The following USP34 variants were observed in gnomAD, a reference collection of about 807,000 sequenced individuals.
The protein encoded by USP34 is ubiquitin carboxyl-terminal hydrolase 34.
In USP34, 70 loss-of-function variants were observed where a neutral mutation model predicts 460.3. The observed-to-expected ratio is 0.15, with a 90% confidence interval of 0.13 to 0.19. The LOEUF (loss-of-function observed/expected upper bound fraction) is 0.19, where lower values mean the gene tolerates loss of function less well. Ranked by LOEUF, USP34 falls within the 10% of genes least tolerant of loss-of-function variation. The pLI, the probability that USP34 is intolerant of heterozygous loss-of-function variation, is 1.00. For missense variants in USP34, 3,985 were observed against 4,236.2 expected, an observed-to-expected ratio of 0.94 and a Z score of 1.65; for synonymous variants, 1,647 against 1,405.3, an observed-to-expected ratio of 1.17 and a Z score of -3.85.
In USP34 at chr2:61,348,012, C is replaced by T. The variant is rs559471248; in HGVS notation, c.2143G>A (p.Ala715Thr). ...ISGEMNATHI[A>T]QGSQESCITR... ...ATACAAGACTCCTGAGACCCTTGTG[C>T]TATATGAGTAGCATTCATTTCCCCT... The change falls in exon 15 of 80, where the codon GCA (alanine) becomes ACA (threonine). Residue 715 changes from alanine to threonine, a missense_variant. Ala to Thr is a moderately conservative substitution (Grantham distance 58, BLOSUM62 0). Coordinates refer to ENST00000398571, the MANE Select transcript of USP34 (RefSeq NM_014709.4). The T allele has an allele frequency of 6.2e-7, 1 of 1,614,134 alleles. No homozygotes were observed. The highest frequency in any genetic ancestry group is 1.1e-5 in the South Asian group (1 of 91,078).
At chr2:61,350,433 A>G in intron 11 of USP34, 44 bp from the exon 12 acceptor site, 1 of 1,585,044 alleles carries the variant, frequency 6.3e-7, no homozygotes, top group East Asian at 2.2e-5. Flanking sequence ...ATTCCAGGCA[A>G]CACTAACAAA....
chr2:61,279,589 C>T (rs746687301), intron 39 of USP34, among the ~76,000 whole-genome samples: 14 of 152,154 alleles, frequency 9.2e-5, no homozygotes, highest in Non-Finnish European at 1.5e-4. Context: ...CTCAGCCCTC[C>T]TGAGTAGCTA....
chr2:61,244,174 G>T (rs1017708916), intron 51 of USP34, among the ~76,000 whole-genome samples: 2 of 152,122 alleles, frequency 1.3e-5, no homozygotes, highest in Non-Finnish European at 1.5e-5. Flanking sequence ...AACTTTATTT[G>T]GGCTAATCTA....
Position 61,314,967 on chromosome 2 carries a change from C to T in USP34, c.3290G>A (p.Gly1097Asp). 6.2e-7 allele frequency: 1 copy of T among 1,610,950 alleles called. No homozygotes were observed. The highest frequency in any genetic ancestry group is 8.5e-7 in the Non-Finnish European group (1 of 1,179,084). Residue 1097 changes from glycine (G) to aspartate (D), a missense_variant, in exon 24 of 80, where the codon GGT becomes GAT. Around this residue, in one of 14 missense-constraint regions of USP34, gnomAD observed 1,114 missense variants for 1,122.5 expected, o/e 0.99. Transcript: ENST00000398571. Reference protein sequence around the residue: ...YDGCSNSELCGMDQFWGIALR... With the variant: ...YDGCSNSELCDMDQFWGIALR... The stretch of plus-strand genomic sequence containing the variant: ...AGCAATGCCCCAAAATTGGTCCATA[C>T]CACACAGCTAAGAAAGAAAAATATG...
chr2:61,313,717 G>C (rs970579512), intron 25 of USP34, among the ~76,000 whole-genome samples: 7 of 152,004 alleles, frequency 4.6e-5, no homozygotes, highest in African/African-American at 9.7e-5. Context: ...TCTTTAAGCA[G>C]AATTTCCATG....
rs1016085733 is a variant in USP34, at chr2:61,214,815, A to C, written c.8048-121T>G. ...TTAAAATGAATAAAAAGGGACATGA[A>C]CATCTCTTTTAGTATCTTTCTGCTT... is the stretch of plus-strand genomic sequence containing the variant. On this transcript the variant is annotated intron_variant, in intron 67 of 79. Coordinates refer to ENST00000398571, the MANE Select transcript of USP34 (RefSeq NM_014709.4). The C allele has an allele frequency of 7.3e-5, 85 of 1,161,708 alleles. No individual in the cohort carries two copies. In the Middle Eastern group the frequency reaches 2.1e-3, roughly 28 times the overall value. The allele number at this position is 1,161,708 out of a possible 1,614,324, so 72.0% of individuals were successfully genotyped here.
At chr2:61,229,489 CAAAA>C (rs1687830787) in intron 59 of USP34, 55 bp downstream of exon 59, 12 of 409,660 alleles carry the variant, frequency 2.9e-5, no homozygotes, top group Non-Finnish European at 3.9e-5. Context: ...AAAAAAAAAA[CAAAA>C]ACACCACACA....
intron 27 of USP34, among the ~76,000 whole-genome samples, chr2:61,307,250 G>A (rs1456576341): frequency 6.7e-6 from 1 of 148,558 alleles, no homozygotes; most frequent in African/African-American, 2.5e-5. Flanking sequence ...TCACTCATAG[G>A]TGGGAATTGA....
chr2:61,301,350 G>A lies in USP34; in HGVS notation c.3918+4C>T, dbSNP rs763496553. On this transcript the variant is annotated splice_donor_region_variant and intron_variant, in intron 28 of 79. Coordinates refer to ENST00000398571, the MANE Select transcript of USP34 (RefSeq NM_014709.4). ...AAAACTCAAACCACGTTTTATATAT[G>A]TACCTGCATATCCTTAAAACCAAGC... 6.2e-7 allele frequency: 1 copy of A among 1,612,322 alleles called. No homozygotes were observed. Among genetic ancestry groups the A allele is most frequent in the South Asian group, 1.1e-5 (1 of 90,668 alleles).
chr2:61,377,022 C>A (rs534318129), intron 8 of USP34, among the ~76,000 whole-genome samples: 1 of 152,274 alleles, frequency 6.6e-6, no homozygotes, highest in African/African-American at 2.4e-5. Context: ...CTAATATAAT[C>A]CAGAATTTAT....
intron 1 of USP34, among the ~76,000 whole-genome samples, chr2:61,438,874 C>T (rs922207848): frequency 6.6e-6 from 1 of 152,064 alleles, no homozygotes; most frequent in Non-Finnish European, 1.5e-5. Context: ...TCAAACTGTC[C>T]CTGTGTTTGC....
chr2:61,437,372 A>G (rs1201103773), intron 1 of USP34, among the ~76,000 whole-genome samples: 15 of 152,198 alleles, frequency 9.9e-5, no homozygotes, highest in Admixed American at 9.8e-4. Flanking sequence ...CAGAAGTACA[A>G]AGGATCATTA....
intron 2 of USP34, among the ~76,000 whole-genome samples, chr2:61,408,116 A>G (rs1311955006): frequency 1.3e-5 from 2 of 152,144 alleles, no homozygotes; most frequent in African/African-American, 4.8e-5. Context: ...TTCTGTCACA[A>G]AAAAATAAAA....
intron 10 of USP34, among the ~76,000 whole-genome samples, chr2:61,365,323 GTGTGTATATA>G (rs1013726089): frequency 6.6e-6 from 1 of 151,820 alleles, no homozygotes; most frequent in East Asian, 1.9e-4. Context: ...GTGTGTGTGT[GTGTGTATATA>G]TGTATGTATG....
intron 43 of USP34, among the ~76,000 whole-genome samples, chr2:61,262,130 T>TATATGGATAGATAG (rs1349263790): frequency 8.8e-6 from 1 of 113,710 alleles, no homozygotes; most frequent in Admixed American, 1.0e-4. Flanking sequence ...TATATATATA[T>TATATGGATAGATAG]ATAGATAGAT....
At chr2:61,381,786 C>T (rs1250643260) in intron 6 of USP34, among the ~76,000 whole-genome samples, 3 of 152,284 alleles carry the variant, frequency 2.0e-5, no homozygotes, top group Admixed American at 2.0e-4. Flanking sequence ...CATCTTTACA[C>T]TCACAACTCT....
At chr2:61,418,748 T>G (rs916919002) in intron 2 of USP34, among the ~76,000 whole-genome samples, 7 of 152,246 alleles carry the variant, frequency 4.6e-5, no homozygotes, top group African/African-American at 1.7e-4. Flanking sequence ...CAAGGCACTG[T>G]GATCTAACTA....
chr2:61,210,046 C>T (rs748174128), intron 69 of USP34, among the ~76,000 whole-genome samples: 3 of 151,800 alleles, frequency 2.0e-5, no homozygotes, highest in Non-Finnish European at 4.4e-5. Flanking sequence ...TTAAGTGCTA[C>T]GATAGAAGAA....
At chr2:61,257,487 TTTCTG>T in intron 44 of USP34, 137 bp from the exon 45 acceptor site, 2 of 613,304 alleles carry the variant, frequency 3.3e-6, no homozygotes, top group Non-Finnish European at 4.9e-6. Context: ...CTTCTATTTC[TTTCTG>T]TTTAGTTTTC....
Sources: gnomAD v4.1 joint callset for allele counts (sites outside exome capture counted in the v4.1 genomes callset) on GRCh38, gnomAD v4.1.1 for gene constraint, gnomAD v4.1.1 regional missense constraint, MANE v1.5 for transcripts, NCBI Gene and HGNC (gene_info 2026-07-23, HGNC 2026-07-21) for gene names.